ZNF473: variants seen among roughly 807,000 people sequenced by gnomAD.
ZNF473 encodes zinc finger protein 100 homolog.
Under a neutral mutation model 11.1 loss-of-function variants are expected in ZNF473, and 4 were observed. The ratio of observed to expected loss-of-function variants is 0.36; its 90% CI spans 0.18 to 0.82. The LOEUF (loss-of-function observed/expected upper bound fraction) is 0.82. ZNF473 is among the 40% of genes least tolerant of loss of function. The pLI, the probability that ZNF473 is intolerant of heterozygous loss-of-function variation, is 0.49. For missense variants in ZNF473, 854 were observed against 1,084.0 expected (o/e 0.79, Z 2.98); for synonymous variants, 404 against 390.4 (o/e 1.03, Z -0.41).
rs1471754274 is a variant in ZNF473 at position 50,039,845 on chromosome 19, G to A, written c.136+558G>A. Among the ~76,000 whole-genome samples the A allele has an allele frequency of 6.6e-6, 1 of 152,198 alleles. No individual in the cohort carries two copies. The highest frequency in any genetic ancestry group is 2.4e-5 in the African/African-American group (1 of 41,448). On this transcript the variant is annotated intron_variant, in intron 3 of 4. Coordinates refer to ENST00000270617, the MANE Select transcript of ZNF473 (RefSeq NM_015428.4). The surrounding 1 kb of genome is among the most constrained non-coding windows in gnomAD (Gnocchi z 4.8). The stretch of plus-strand genomic sequence containing the variant: ...GTTCTAACTACCATTGTATCATTCA[G>A]AGCGGGAGCTGTGTGAGGACAGGGC...
At position 50,033,419 on chromosome 19, in the gene ZNF473, A is replaced by T. The variant is rs532401245; in HGVS notation, c.9+2328A>T. Among the ~76,000 whole-genome samples, 4 of 152,152 alleles carry T rather than the reference A, an allele frequency of 2.6e-5. No individual in the cohort carries two copies. The South Asian group carries it at 8.3e-4, about 32-fold the overall frequency. Reference sequence around the variant, plus strand: ...TCTTTAGGGCCCTGGAGATCATTGTATGGTCTCTGTCTTTAAATATGGTGA... The same window carrying T: ...TCTTTAGGGCCCTGGAGATCATTGTTTGGTCTCTGTCTTTAAATATGGTGA... On this transcript the variant is annotated intron_variant, in intron 2 of 4. Coordinates refer to ENST00000270617, the MANE Select transcript of ZNF473 (RefSeq NM_015428.4).
At chr19:50,042,704 C>G (rs1978843038) in intron 4 of ZNF473, 1 of 152,198 alleles carries the variant, frequency 6.6e-6, no homozygotes, top group Non-Finnish European at 1.5e-5. Context: ...GCGTCTTTCC[C>G]CTTTAACAGC....
At chr19:50,034,413 TTTTA>T (rs937418890) in intron 2 of ZNF473, among the ~76,000 whole-genome samples, 8 of 152,224 alleles carry the variant, frequency 5.3e-5, no homozygotes, top group African/African-American at 1.9e-4. Flanking sequence ...AAAAAAGTTT[TTTTA>T]TTGTAAAATC....
At chr19:50,035,452 C>CGTGTGTGTGTGTGTGTGTGTGTGT (rs3222106) in intron 2 of ZNF473, among the ~76,000 whole-genome samples, 5 of 138,492 alleles carry the variant, frequency 3.6e-5, no homozygotes, top group African/African-American at 1.1e-4. Context: ...TTCTTTCATA[C>CGTGTGTGTGTGTGTGTGTGTGTGT]GTGTGTGTGT....
At chr19:50,031,140 A>G (rs769263132) in intron 2 of ZNF473, 49 bp downstream of exon 2, 2 of 1,557,492 alleles carry the variant, frequency 1.3e-6, no homozygotes, top group Non-Finnish European at 1.7e-6. Flanking sequence ...AAAGGCAGAA[A>G]AATTGGCCTT....
rs1314160416 is a variant in ZNF473, at chr19:50,044,754, A to G, written c.311A>G (p.Lys104Arg). The G allele has an allele frequency of 6.2e-7, 1 of 1,614,118 alleles. No homozygotes were observed. The highest frequency in any genetic ancestry group is 1.3e-5 in the African/African-American group (1 of 74,954). ...FSQEIIEMLS[K>R]DGFWNSNFGE... Reference sequence around the variant, plus strand: ...CAGGAGATTATAGAGATGTTATCCAAGGATGGCTTCTGGAACTCCAATTTC... The same window carrying G: ...CAGGAGATTATAGAGATGTTATCCAGGGATGGCTTCTGGAACTCCAATTTC... The change falls in exon 5 of 5, where the codon AAG (lysine) becomes AGG (arginine). Residue 104 changes from lysine (K) to arginine (R), a missense_variant. This residue lies in a region of ZNF473 where 668 missense variants were observed against 790.2 expected (regional missense o/e 0.85). Transcript: ENST00000270617.
Position 50,046,771 on chromosome 19 carries a change from C to T in ZNF473, c.2328C>T (p.His776=), listed in dbSNP as rs1293064119. The T allele has an allele frequency of 1.9e-6, 3 of 1,614,176 alleles. No individual in the cohort carries two copies. Among genetic ancestry groups the T allele is most frequent in the East Asian group, 2.2e-5 (1 of 44,874 alleles). Residue 776 remains histidine, a synonymous_variant, in exon 5 of 5, where the codon CAC becomes CAT. Coordinates refer to ENST00000270617, the MANE Select transcript of ZNF473 (RefSeq NM_015428.4). The surrounding 1 kb of genome is among the most constrained non-coding windows in gnomAD (Gnocchi z 5.9). ...AFTQSSCLSI[H]RRVHTGEKPY... is the part of the protein sequence containing the mutation. ...CCCAGAGCTCATGCCTTTCTATTCA[C>T]CGGAGAGTTCACACTGGGGAGAAGC... is the stretch of plus-strand genomic sequence containing the variant.
intron 2 of ZNF473, among the ~76,000 whole-genome samples, chr19:50,031,319 A>G (rs901792540): frequency 1.3e-5 from 2 of 152,100 alleles, no homozygotes; most frequent in African/African-American, 2.4e-5. Flanking sequence ...CTCTTCTGGG[A>G]ACCCCTATTG....
Position 50,039,285 on chromosome 19 carries a change from TG to T in ZNF473, c.136+1del. 1 of 1,614,040 alleles carries T rather than the reference TG, an allele frequency of 6.2e-7. No homozygotes were observed. Among genetic ancestry groups the T allele is most frequent in the African/African-American group, 1.3e-5 (1 of 75,054 alleles). On this transcript the variant is annotated frameshift_variant and splice_region_variant, in exon 3 of 5. Transcript: ENST00000270617. LOFTEE classifies it high-confidence loss of function. The surrounding 1 kb of genome is among the most constrained non-coding windows in gnomAD (Gnocchi z 4.8). ...GACAATTGCCAGGACCTCTTCCTGCTGGGTGAGTGTTGCCTGTCCCCAGGGG... is the reference window on the plus strand; with the variant it reads ...GACAATTGCCAGGACCTCTTCCTGCTGGTGAGTGTTGCCTGTCCCCAGGGG... ...ALDNCQDLFL[L>X]DPPRPNLTSH...
At chr19:50,037,441 G>T (rs1978510465) in intron 2 of ZNF473, among the ~76,000 whole-genome samples, 1 of 152,088 alleles carries the variant, frequency 6.6e-6, no homozygotes, top group South Asian at 2.1e-4. Flanking sequence ...CATCAGTCAT[G>T]GTTTCACCTA....
At chr19:50,030,709 A>G (rs1226746461) in intron 1 of ZNF473, among the ~76,000 whole-genome samples, 183 bp from the exon 2 acceptor site, 2 of 152,274 alleles carry the variant, frequency 1.3e-5, no homozygotes, top group Non-Finnish European at 2.9e-5. Flanking sequence ...AGCAGTGAGC[A>G]AGACAGAAGC....
chr19:50,047,160 A>G lies in ZNF473; in HGVS notation c.*101A>G, dbSNP rs1979188714. 5.0e-6 allele frequency: 5 copies of G among 994,794 alleles called. No homozygotes were observed. The highest frequency in any genetic ancestry group is 1.7e-5 in the South Asian group (1 of 59,906). The allele number at this position is 994,794 out of a possible 1,614,324, so 61.6% of individuals were successfully genotyped here. A position where few individuals can be genotyped will look rare whatever the true frequency, so the allele number is the denominator to read the frequency against. ...AGTTTCTCTCCAAATAAATGCATCT[A>G]AAGATTGATTAGAAAGTTTGTGCGC... is the stretch of plus-strand genomic sequence containing the variant. On this transcript the variant is annotated 3_prime_UTR_variant, in exon 5 of 5. Coordinates refer to ENST00000270617, the MANE Select transcript of ZNF473 (RefSeq NM_015428.4).
intron 4 of ZNF473, among the ~76,000 whole-genome samples, chr19:50,043,970 G>T (rs778142107): frequency 3.0e-4 from 46 of 152,128 alleles, no homozygotes; most frequent in Non-Finnish European, 4.0e-4. Flanking sequence ...AGTTCTATGA[G>T]GTCAGCACAA....
chr19:50,045,980 AC>A lies in ZNF473; in HGVS notation c.1541del (p.Pro514HisfsTer17). The part of the protein sequence containing the change: ...VQHQKMHTVK[T>X]PYECQECGER... ...ACACCAGAAAATGCACACTGTCAAA[AC>A]CCCATATGAATGTCAGGAGTGCGGA... On this transcript the variant is annotated frameshift_variant, in exon 5 of 5. Coordinates refer to ENST00000270617, the MANE Select transcript of ZNF473 (RefSeq NM_015428.4). LOFTEE classifies it low-confidence loss of function (END_TRUNC). 6.2e-7 allele frequency: 1 copy of A among 1,614,086 alleles called. No individual in the cohort carries two copies.
rs553046186 is a variant in ZNF473 at position 50,026,376 on chromosome 19, C to T, written c.-192+254C>T. 1.1e-4 allele frequency among the ~76,000 whole-genome samples: 17 copies of T among 152,176 alleles called. No individual in the cohort carries two copies. The South Asian group carries it at 2.9e-3, about 26-fold the overall frequency. ...CTTACAGCCAGGAGTTCCTCGAACC[C>T]CCAGTCTCTACTAAAAATACAAAAA... On this transcript the variant is annotated intron_variant, in intron 1 of 4. Transcript: ENST00000270617.
In ZNF473 at chr19:50,046,246, C is replaced by T. The variant is rs752341761; in HGVS notation, c.1803C>T (p.Gly601=). Residue 601 remains glycine, a synonymous_variant, in exon 5 of 5, where the codon GGC becomes GGT. Transcript: ENST00000270617. This position sits in a 1 kb window ranked among gnomAD's most constrained non-coding sequence, Gnocchi z 5.9. ...FECDQCGKAF[G]QSTRLIHHQR... is the part of the protein sequence containing the mutation. ...GTGACCAGTGTGGGAAAGCCTTTGGCCAAAGTACTCGGCTCATTCACCATC... is the reference window on the plus strand; with the variant it reads ...GTGACCAGTGTGGGAAAGCCTTTGGTCAAAGTACTCGGCTCATTCACCATC... 6.2e-7 allele frequency: 1 copy of T among 1,614,148 alleles called. No homozygotes were observed. Among genetic ancestry groups the T allele is most frequent in the Non-Finnish European group, 8.5e-7 (1 of 1,180,020 alleles).
rs1979205366 is a variant in ZNF473, at chr19:50,047,450, G to T, written c.*391G>T. ...TAGAACTGATGGCCAGCACATGAGG[G>T]CTCACCAAGTGTAAGCCACAAATAC... On this transcript the variant is annotated 3_prime_UTR_variant, in exon 5 of 5. Coordinates refer to ENST00000270617, the MANE Select transcript of ZNF473 (RefSeq NM_015428.4). 4 of 183,834 alleles carry T rather than the reference G, an allele frequency of 2.2e-5. No homozygotes were observed. The highest frequency in any genetic ancestry group is 2.1e-4 in the Admixed American group (4 of 18,830). 11.4% of individuals were successfully genotyped at this position (183,834 alleles called of 1,614,324 possible). A position where few individuals can be genotyped will look rare whatever the true frequency, so the allele number is the denominator to read the frequency against.
intron 2 of ZNF473, among the ~76,000 whole-genome samples, chr19:50,036,595 A>C (rs1403343264): frequency 6.6e-6 from 1 of 150,448 alleles, no homozygotes; most frequent in Admixed American, 6.7e-5. Context: ...AAGTGCTGGG[A>C]TTACAGGTTT....
chr19:50,034,056 T>G (rs1375747772), intron 2 of ZNF473, among the ~76,000 whole-genome samples: 2 of 152,200 alleles, frequency 1.3e-5, no homozygotes, highest in Non-Finnish European at 2.9e-5. Flanking sequence ...TATCTCAAAC[T>G]TTACATGTCC....
Sources: allele counts gnomAD v4.1 joint callset (sites outside exome capture counted in the v4.1 genomes callset), GRCh38; gene constraint gnomAD v4.1.1; regional missense constraint gnomAD v4.1.1; non-coding constraint Gnocchi (gnomAD v3.1); transcripts MANE v1.5; gene names NCBI Gene and HGNC (gene_info 2026-07-23, HGNC 2026-07-21).